FGF14: variants seen among roughly 807,000 people sequenced by gnomAD.
The protein encoded by FGF14 is fibroblast growth factor 14.
Under a neutral mutation model 25.5 loss-of-function variants are expected in FGF14, and 5 were observed. The observed-to-expected ratio is 0.20, with a 90% CI of 0.10 to 0.41. The LOEUF (loss-of-function observed/expected upper bound fraction) is 0.41, where lower values mean the gene tolerates loss of function less well. FGF14 is among the 10% of genes least tolerant of loss of function. FGF14 has a pLI of 1.00. For missense variants in FGF14, 222 were observed against 320.1 expected, an observed-to-expected ratio of 0.69 and a Z score of 2.34; for synonymous variants, 138 against 118.3, an observed-to-expected ratio of 1.17 and a Z score of -1.08.
chr13:102,373,948 ATTT>A (rs2057960723), intron 1 of FGF14, among the ~76,000 whole-genome samples: 1 of 152,106 alleles, frequency 6.6e-6, no homozygotes, highest in African/African-American at 2.4e-5. Flanking sequence ...GAGCACTGAG[ATTT>A]TTAAAACTTG....
At chr13:102,060,199 G>T (rs188734787) in intron 1 of FGF14, among the ~76,000 whole-genome samples, 2 of 152,048 alleles carry the variant, frequency 1.3e-5, no homozygotes, top group East Asian at 3.9e-4. Context: ...TCTGGTCCCA[G>T]GCATTTCTGA....
At chr13:101,954,490 G>T (rs1171719523) in intron 1 of FGF14, among the ~76,000 whole-genome samples, 1 of 152,210 alleles carries the variant, frequency 6.6e-6, no homozygotes, top group Non-Finnish European at 1.5e-5. Flanking sequence ...CTGCCCAATG[G>T]TCAGTATTGA....
intron 1 of FGF14, among the ~76,000 whole-genome samples, chr13:102,374,121 C>G (rs934085246): frequency 1.3e-5 from 2 of 152,106 alleles, no homozygotes; most frequent in Non-Finnish European, 2.9e-5. Flanking sequence ...CGTACTAAAG[C>G]AGACCTGAAA....
At chr13:102,384,862 TAAAGGA>T (rs1416251016) in intron 1 of FGF14, among the ~76,000 whole-genome samples, 1 of 152,144 alleles carries the variant, frequency 6.6e-6, no homozygotes, top group Non-Finnish European at 1.5e-5. Context: ...ACAAAGTATC[TAAAGGA>T]AAACTAAAAA....
chr13:101,961,268 T>C lies in FGF14; in HGVS notation c.209-85972A>G, dbSNP rs560996772. Among the ~76,000 whole-genome samples, 19 of 151,494 alleles carry C rather than the reference T, an allele frequency of 1.3e-4. No homozygotes were observed. The South Asian group carries it at 3.3e-3, about 27-fold the overall frequency. ...TCATCATGAAATCTTTGTCCATGCATATGTCCTGAATGGTACTGCCTAGAT... is the reference window on the plus strand; with the variant it reads ...TCATCATGAAATCTTTGTCCATGCACATGTCCTGAATGGTACTGCCTAGAT... On this transcript the variant is annotated intron_variant, in intron 1 of 4. Coordinates refer to the FGF14 transcript ENST00000376131.
chr13:102,383,593 A>C lies in FGF14; in HGVS notation c.208+17878T>G, dbSNP rs766288240. 1.4e-4 allele frequency among the ~76,000 whole-genome samples: 22 copies of C among 152,354 alleles called. No individual in the cohort carries two copies. The East Asian group carries it at 3.5e-3, about 24-fold the overall frequency. Reference sequence around the variant, plus strand: ...CTATTCCTAATCTGGTCCAATGAGTAGAATCTCCTGTCATGACTGGCAGTG... The same window carrying C: ...CTATTCCTAATCTGGTCCAATGAGTCGAATCTCCTGTCATGACTGGCAGTG... On this transcript the variant is annotated intron_variant, in intron 1 of 4. Coordinates refer to the FGF14 transcript ENST00000376131.
At chr13:101,841,211 T>C (rs2893077) in intron 3 of FGF14, among the ~76,000 whole-genome samples, 52,034 of 151,766 alleles carry the variant, frequency 0.34, 10,035 homozygotes, top group East Asian at 0.63. Context: ...TTAAATTCCT[T>C]ACTTTATTAT....
chr13:101,883,033 G>T (rs2045799872), intron 1 of FGF14, among the ~76,000 whole-genome samples: 1 of 152,008 alleles, frequency 6.6e-6, no homozygotes, highest in Non-Finnish European at 1.5e-5. Flanking sequence ...AATCCAAGTA[G>T]ACATCTACAC....
Position 101,721,246 on chromosome 13 carries a change from A to G in FGF14, c.*1585T>C, listed in dbSNP as rs955955746. The G allele has an allele frequency of 1.3e-5, 2 of 152,140 alleles. No individual in the cohort carries two copies. The highest frequency in any genetic ancestry group is 2.9e-5 in the Non-Finnish European group (2 of 68,014). The allele number at this position is 152,140 out of a possible 1,614,324, so 9.4% of individuals were successfully genotyped here. On this transcript the variant is annotated 3_prime_UTR_variant, in exon 5 of 5. Transcript: ENST00000376143. ...AACAGTTTAGTATGAAACATTTTGA[A>G]CCCCTTTAGATCCAATATTGAACAT...
chr13:101,783,356 G>A (rs1269674291), intron 3 of FGF14, among the ~76,000 whole-genome samples: 1 of 151,978 alleles, frequency 6.6e-6, no homozygotes, highest in African/African-American at 2.4e-5. Flanking sequence ...CATAATCCCA[G>A]CTACTCAGGA....
chr13:102,024,511 A>T (rs2040828881), intron 1 of FGF14, among the ~76,000 whole-genome samples: 1 of 151,938 alleles, frequency 6.6e-6, no homozygotes, highest in African/African-American at 2.4e-5. Flanking sequence ...TCTGAAAACA[A>T]ATCTCTCATA....
At chr13:102,375,679 T>C (rs1442224188) in intron 1 of FGF14, among the ~76,000 whole-genome samples, 2 of 152,150 alleles carry the variant, frequency 1.3e-5, no homozygotes, top group Admixed American at 6.6e-5. Context: ...TAAGGAAAAA[T>C]ATTCATGAGA....
intron 1 of FGF14, among the ~76,000 whole-genome samples, chr13:102,036,388 C>G (rs1453304034): frequency 2.0e-5 from 3 of 152,114 alleles, no homozygotes; most frequent in African/African-American, 7.2e-5. Context: ...AGACGCAGAA[C>G]TATTAATCTG....
At chr13:101,824,953 C>G (rs1321180261) in intron 3 of FGF14, among the ~76,000 whole-genome samples, 1 of 152,224 alleles carries the variant, frequency 6.6e-6, no homozygotes. Context: ...GACAGAAGCT[C>G]CTGCACTTGG....
chr13:102,056,892 T>C (rs2042455357), intron 1 of FGF14, among the ~76,000 whole-genome samples: 1 of 150,890 alleles, frequency 6.6e-6, no homozygotes, highest in Non-Finnish European at 1.5e-5. Flanking sequence ...TTGCAATAGG[T>C]AATTTTGAAT....
At chr13:101,994,863 C>G (rs1319669332) in intron 1 of FGF14, among the ~76,000 whole-genome samples, 2 of 151,992 alleles carry the variant, frequency 1.3e-5, no homozygotes, top group South Asian at 2.1e-4. Flanking sequence ...AATCAAAAGG[C>G]CTGTTACAGT....
chr13:101,750,206 C>T (rs1018012823), intron 3 of FGF14, among the ~76,000 whole-genome samples: 3 of 152,030 alleles, frequency 2.0e-5, no homozygotes, highest in African/African-American at 7.2e-5. Context: ...AGAATAAGAT[C>T]ATGTCTATGG....
At chr13:102,073,946 A>G (rs1419974728) in intron 1 of FGF14, among the ~76,000 whole-genome samples, 1 of 152,176 alleles carries the variant, frequency 6.6e-6, no homozygotes, top group Admixed American at 6.5e-5. Flanking sequence ...TATTATTCTC[A>G]TTCGCTCCCT....
rs1264630744 is a variant in FGF14, at chr13:101,713,441, C to T, written c.*9390G>A. 6.6e-6 allele frequency: 1 copy of T among 152,030 alleles called. No homozygotes were observed. The highest frequency in any genetic ancestry group is 2.1e-4 in the South Asian group (1 of 4,818). 9.4% of individuals were successfully genotyped at this position (152,030 alleles called of 1,614,324 possible). ...GCACATTTTTTCAACGTGATTTTGACTCAAAAAGAATACAGCCATCTTTTA... is the reference window on the plus strand; with the variant it reads ...GCACATTTTTTCAACGTGATTTTGATTCAAAAAGAATACAGCCATCTTTTA... On this transcript the variant is annotated 3_prime_UTR_variant, in exon 5 of 5. Transcript: ENST00000376143.
Sources: allele counts gnomAD v4.1 joint callset (sites outside exome capture counted in the v4.1 genomes callset), GRCh38; gene constraint gnomAD v4.1.1; transcripts MANE v1.5; gene names NCBI Gene and HGNC (gene_info 2026-07-23, HGNC 2026-07-21).